The following SRRM3 variants were observed in gnomAD, a reference collection of about 807,000 sequenced individuals.
SRRM3 encodes the protein serine/arginine repetitive matrix 3.
In SRRM3, 27 loss-of-function variants were observed where a neutral mutation model predicts 66.2. The ratio of observed to expected loss-of-function variants is 0.41; its 90% CI spans 0.30 to 0.56. SRRM3 has a LOEUF of 0.56. Among genes scored for constraint, SRRM3 ranks in the 20% least tolerant of loss-of-function variants. The probability of loss-of-function intolerance (pLI) is 0.32; values close to 1 mark genes in which losing one functional copy is unlikely to be tolerated. For missense variants in SRRM3, 918 were observed against 991.9 expected (o/e 0.93, Z 1.00); for synonymous variants, 391 against 414.9 (o/e 0.94, Z 0.70).
chr7:76,284,687 C>T (rs1157465109), intron 14 of SRRM3, among the ~76,000 whole-genome samples: 4 of 152,174 alleles, frequency 2.6e-5, no homozygotes, highest in Non-Finnish European at 5.9e-5. Context: ...CCACTCAGCC[C>T]CTCTCCCAGG....
At chr7:76,238,380 G>A (rs571996615) in intron 2 of SRRM3, among the ~76,000 whole-genome samples, 2 of 152,070 alleles carry the variant, frequency 1.3e-5, no homozygotes, top group Non-Finnish European at 2.9e-5. Flanking sequence ...TTTATTTACC[G>A]GGTTCTCGGG....
At chr7:76,214,573 A>C (rs1376058458) in intron 1 of SRRM3, among the ~76,000 whole-genome samples, 2 of 152,064 alleles carry the variant, frequency 1.3e-5, no homozygotes, top group African/African-American at 4.8e-5. Context: ...GGGAGTGTGC[A>C]GGTGGCAGGC....
At chr7:76,211,639 G>GC (rs1178720659) in intron 1 of SRRM3, among the ~76,000 whole-genome samples, 1 of 151,998 alleles carries the variant, frequency 6.6e-6, no homozygotes, top group Admixed American at 6.6e-5. Context: ...TCTCCTCTCT[G>GC]CGGCTCAGCC....
rs1231007137 is a variant in SRRM3, at chr7:76,281,518, G to A, written c.1086G>A (p.Glu362=). The change falls in exon 12 of 15, where the codon GAG becomes GAA. Residue 362 remains glutamate, a synonymous_variant. Coordinates refer to ENST00000611745, the MANE Select transcript of SRRM3 (RefSeq NM_001110199.3). ...AAPTPPARGK[E]SPSPRSAPSS... Reference sequence around the variant, plus strand: ...CCACGCCGCCCGCGCGGGGGAAGGAGAGCCCGAGCCCGCGCTCGGCGCCGT... The same window carrying A: ...CCACGCCGCCCGCGCGGGGGAAGGAAAGCCCGAGCCCGCGCTCGGCGCCGT... The A allele has an allele frequency of 1.7e-6, 2 of 1,195,316 alleles. No homozygotes were observed. The highest frequency in any genetic ancestry group is 2.1e-6 in the Non-Finnish European group (2 of 962,750). 74.0% of individuals were successfully genotyped at this position (1,195,316 alleles called of 1,614,324 possible). A position where few individuals can be genotyped will look rare whatever the true frequency, so the allele number is the denominator to read the frequency against.
intron 1 of SRRM3, among the ~76,000 whole-genome samples, chr7:76,222,037 T>C (rs1800736106): frequency 6.6e-6 from 1 of 152,220 alleles, no homozygotes; most frequent in Non-Finnish European, 1.5e-5. Context: ...TTTGAACCCA[T>C]CTGCTACTGG....
At chr7:76,230,633 A>C (rs2116985369) in intron 1 of SRRM3, among the ~76,000 whole-genome samples, 1 of 151,716 alleles carries the variant, frequency 6.6e-6, no homozygotes, top group Non-Finnish European at 1.5e-5. Flanking sequence ...TGGGCAACAG[A>C]TTGAGAGTCA....
At chr7:76,234,142 A>G (rs559000611) in intron 1 of SRRM3, among the ~76,000 whole-genome samples, 8 of 150,746 alleles carry the variant, frequency 5.3e-5, no homozygotes, top group Admixed American at 2.6e-4. Context: ...GGAGAAAGGA[A>G]ATGGAAATAG....
At chr7:76,237,238 G>A (rs1190627640) in intron 2 of SRRM3, among the ~76,000 whole-genome samples, 1 of 152,002 alleles carries the variant, frequency 6.6e-6, no homozygotes, top group African/African-American at 2.4e-5. Flanking sequence ...AAACCCCATC[G>A]CTACTAAAAA....
chr7:76,232,292 G>A (rs1438422870), intron 1 of SRRM3, among the ~76,000 whole-genome samples: 1 of 152,100 alleles, frequency 6.6e-6, no homozygotes, highest in Admixed American at 6.5e-5. Flanking sequence ...CAGCACTTTG[G>A]GAGGGCAGAT....
rs781837104 is a variant in SRRM3 at position 76,286,759 on chromosome 7, CACTG to C, written c.*922_*925del. 6.6e-6 allele frequency: 1 copy of C among 152,340 alleles called. No homozygotes were observed. Among genetic ancestry groups the C allele is most frequent in the Non-Finnish European group, 1.5e-5 (1 of 68,134 alleles). 9.4% of individuals were successfully genotyped at this position (152,340 alleles called of 1,614,324 possible). A position where few individuals can be genotyped will look rare whatever the true frequency, so the allele number is the denominator to read the frequency against. On this transcript the variant is annotated 3_prime_UTR_variant, in exon 15 of 15. Transcript: ENST00000611745. ...AGGAAAGAGAAAAAGCAAAGTCGTT[CACTG>C]ACTGAGTAGCCCCCAGGGAGTGGAG... is the stretch of plus-strand genomic sequence containing the variant.
intron 1 of SRRM3, among the ~76,000 whole-genome samples, chr7:76,221,359 C>CCT (rs1800713086): frequency 1.0e-5 from 1 of 95,366 alleles, no homozygotes. Context: ...CTGCCCTCCT[C>CCT]TTTTTTTTTT....
At chr7:76,282,333 C>T (rs1163601796) in intron 12 of SRRM3, among the ~76,000 whole-genome samples, 1 of 140,842 alleles carries the variant, frequency 7.1e-6, no homozygotes, top group Non-Finnish European at 1.5e-5. Flanking sequence ...ACTGATCCGT[C>T]TCCCCTTACT....
At chr7:76,212,162 C>CTT (rs57681676) in intron 1 of SRRM3, among the ~76,000 whole-genome samples, 8,909 of 100,958 alleles carry the variant, frequency 0.088, 601 homozygotes, top group South Asian at 0.13. Context: ...CTGAGGTCTG[C>CTT]TTTTTTTTTT....
At chr7:76,231,999 AG>A (rs1801027791) in intron 1 of SRRM3, among the ~76,000 whole-genome samples, 2 of 152,196 alleles carry the variant, frequency 1.3e-5, no homozygotes, top group Admixed American at 1.3e-4. Flanking sequence ...GATGGGGTGC[AG>A]CATGGGATGA....
Position 76,259,991 on chromosome 7 carries a change from T to A in SRRM3, c.421T>A (p.Cys141Ser), listed in dbSNP as rs1554608303. Residue 141 changes from cysteine (C) to serine (S), a missense_variant, in exon 4 of 15, where the codon TGT becomes AGT. By Grantham distance (112) the Cys-to-Ser change is moderately radical. Coordinates refer to ENST00000611745, the MANE Select transcript of SRRM3 (RefSeq NM_001110199.3). ...TGACGATGACGACGGCCCAGTGGAC[T>A]GTGACTGCCCGGCCTCCTGCTACCG... ...PFDDDDGPVD[C>S]DCPASCYRGH... 6.3e-7 allele frequency: 1 copy of A among 1,595,986 alleles called. No individual in the cohort carries two copies. The highest frequency in any genetic ancestry group is 2.2e-5 in the East Asian group (1 of 44,488).
At chr7:76,267,763 G>T in intron 11 of SRRM3, 1 of 279,856 alleles carries the variant, frequency 3.6e-6, no homozygotes, top group East Asian at 6.2e-5. Flanking sequence ...TCAGGGTCTC[G>T]TGCCCTCCCC....
chr7:76,266,059 G>C, intron 10 of SRRM3, among the ~76,000 whole-genome samples: 1 of 78,318 alleles, frequency 1.3e-5, no homozygotes, highest in Non-Finnish European at 2.0e-5. Flanking sequence ...TAGTAGAGAC[G>C]GGGTTTCACC....
At chr7:76,244,905 G>A (rs983145720) in intron 2 of SRRM3, among the ~76,000 whole-genome samples, 2 of 152,240 alleles carry the variant, frequency 1.3e-5, no homozygotes, top group Non-Finnish European at 2.9e-5. Context: ...ATGCCACAAT[G>A]TGGCAGGCAT....
intron 1 of SRRM3, among the ~76,000 whole-genome samples, chr7:76,212,871 C>T (rs961560356): frequency 6.6e-6 from 1 of 152,076 alleles, no homozygotes; most frequent in Non-Finnish European, 1.5e-5. Flanking sequence ...CTGGAATGCC[C>T]TTCCTCCCTC....
Sources: allele counts gnomAD v4.1 joint callset (sites outside exome capture counted in the v4.1 genomes callset), GRCh38; gene constraint gnomAD v4.1.1; transcripts MANE v1.5; gene names NCBI Gene and HGNC (gene_info 2026-07-23, HGNC 2026-07-21).